The following SLC18A2 variants were observed in gnomAD, a reference collection of about 807,000 sequenced individuals.
The protein encoded by SLC18A2 is synaptic vesicular amine transporter.
In SLC18A2, 33 loss-of-function variants were observed where a neutral mutation model predicts 59.2. The observed-to-expected ratio is 0.56, with a 90% confidence interval of 0.42 to 0.75. The LOEUF (loss-of-function observed/expected upper bound fraction) is 0.75, where lower values mean the gene tolerates loss of function less well. Among genes scored for constraint, SLC18A2 ranks in the 30% least tolerant of loss-of-function variants. The pLI, the probability that SLC18A2 is intolerant of heterozygous loss-of-function variation, is 0.00. For missense variants in SLC18A2, 569 were observed against 668.6 expected (o/e 0.85, Z 1.64); for synonymous variants, 228 against 253.5 (o/e 0.90, Z 0.95).
rs1392984439 is a variant in SLC18A2, at chr10:117,254,067, C to T, written c.543C>T (p.Ser181=). The change falls in exon 5 of 16, where the codon AGC becomes AGT. Residue 181 remains serine, a synonymous_variant. Coordinates refer to ENST00000644641, the MANE Select transcript of SLC18A2 (RefSeq NM_003054.6). The stretch of plus-strand genomic sequence containing the variant: ...CGGCAGTGTTTGCCTTCTCCAGCAG[C>T]TATGCCTTCCTGCTGATTGCCAGGT... ...VSTIMFAFSS[S]YAFLLIARSL... 2 of 1,613,554 alleles carry T rather than the reference C, an allele frequency of 1.2e-6. No individual in the cohort carries two copies. Among genetic ancestry groups the T allele is most frequent in the Non-Finnish European group, 1.7e-6 (2 of 1,180,044 alleles).
chr10:117,257,243 A>G (rs1490235254), intron 9 of SLC18A2, among the ~76,000 whole-genome samples: 1 of 152,138 alleles, frequency 6.6e-6, no homozygotes, highest in Non-Finnish European at 1.5e-5. Flanking sequence ...GTTCTGGTTA[A>G]GAGATCATGA....
Position 117,277,184 on chromosome 10 carries a change from GC to G in SLC18A2, c.1466del (p.Pro489LeufsTer17). 6.2e-7 allele frequency: 1 copy of G among 1,605,592 alleles called. No individual in the cohort carries two copies. Among genetic ancestry groups the G allele is most frequent in the Non-Finnish European group, 8.5e-7 (1 of 1,173,138 alleles). ...EKMAILMDHN[C>X]PIKTKMYTQN... ...TAGGCTATTCTCATGGATCACAACTGCCCTATTAAAACAAAAATGTACACTC... is the reference window on the plus strand; with the variant it reads ...TAGGCTATTCTCATGGATCACAACTGCCTATTAAAACAAAAATGTACACTC... On this transcript the variant is annotated frameshift_variant, in exon 16 of 16. Transcript: ENST00000644641. LOFTEE classifies it high-confidence loss of function.
intron 15 of SLC18A2, among the ~76,000 whole-genome samples, chr10:117,276,630 A>AAAAAAAAAAAGAAAG (rs1445853665): frequency 9.0e-5 from 2 of 22,312 alleles, no homozygotes; most frequent in Non-Finnish European, 1.4e-4. Flanking sequence ...AAAAAAAAAA[A>AAAAAAAAAAAGAAAG]AAAGAAAGAA....
At chr10:117,276,805 T>A (rs538798601) in intron 15 of SLC18A2, among the ~76,000 whole-genome samples, 1 of 152,056 alleles carries the variant, frequency 6.6e-6, no homozygotes, top group African/African-American at 2.4e-5. Flanking sequence ...TAAACAGAAG[T>A]TGGACTGGGT....
intron 15 of SLC18A2, among the ~76,000 whole-genome samples, chr10:117,272,919 G>A (rs1844443158): frequency 6.6e-6 from 1 of 152,204 alleles, no homozygotes; most frequent in Admixed American, 6.5e-5. Context: ...GTGTGTGAGG[G>A]AGGAGGAAGA....
At chr10:117,252,654 C>A (rs1565003202) in intron 3 of SLC18A2, among the ~76,000 whole-genome samples, 6 of 152,212 alleles carry the variant, frequency 3.9e-5, no homozygotes, top group Admixed American at 3.9e-4. Context: ...CTTCTATGCT[C>A]TAGGCACTGG....
intron 12 of SLC18A2, 128 bp downstream of exon 12, chr10:117,267,163 C>A: frequency 1.4e-6 from 1 of 713,948 alleles, no homozygotes. Flanking sequence ...TCATTTTATT[C>A]TAATTTTTTA....
intron 10 of SLC18A2, among the ~76,000 whole-genome samples, chr10:117,262,589 C>T (rs1844305908): frequency 2.6e-5 from 4 of 151,984 alleles, no homozygotes; most frequent in Admixed American, 6.5e-5. Flanking sequence ...AGGAGGCGCC[C>T]GCTGTCCAAG....
intron 5 of SLC18A2, 118 bp from the exon 6 acceptor site, chr10:117,254,287 A>G (rs951125680): frequency 1.7e-6 from 2 of 1,170,374 alleles, no homozygotes; most frequent in Admixed American, 4.1e-5. Context: ...CTTACATTTT[A>G]GTGAATCTGA....
chr10:117,253,311 C>T (rs1210892069), intron 3 of SLC18A2, 88 bp from the exon 4 acceptor site: 7 of 947,342 alleles, frequency 7.4e-6, no homozygotes, highest in South Asian at 1.4e-5. Flanking sequence ...TCTGTCTGAT[C>T]CCAAAGGGTA....
At position 117,266,588 on chromosome 10, in the gene SLC18A2, G is replaced by C. The variant is rs1589984025; in HGVS notation, c.992-145G>C. On this transcript the variant is annotated intron_variant, in intron 10 of 15. Coordinates refer to ENST00000644641, the MANE Select transcript of SLC18A2 (RefSeq NM_003054.6). ...ACGTGGGTCCAGACCGGATCCGGCA[G>C]GCGCCGGATATTAGCTGCTGGGGTG... is the stretch of plus-strand genomic sequence containing the variant. The C allele has an allele frequency of 6.0e-6, 4 of 661,732 alleles. No individual in the cohort carries two copies. In the East Asian group the frequency reaches 7.8e-5, roughly 13 times the overall value. 41.0% of individuals were successfully genotyped at this position (661,732 alleles called of 1,614,324 possible).
In SLC18A2 at chr10:117,270,351, T is replaced by C. The variant is rs1844411172; in HGVS notation, c.1328T>C (p.Ile443Thr). The change falls in exon 15 of 16, where the codon ATT becomes ACT. Residue 443 changes from isoleucine (I) to threonine (T), a missense_variant. Transcript: ENST00000644641. Reference protein sequence around the residue: ...YAIGPSAGGAIAKAIGFPWLM... With the variant: ...YAIGPSAGGATAKAIGFPWLM... Reference sequence around the variant, plus strand: ...AAAGGTCCTTCTGCTGGTGGTGCTATTGCAAAGGCAATTGGATTTCCATGG... The same window carrying C: ...AAAGGTCCTTCTGCTGGTGGTGCTACTGCAAAGGCAATTGGATTTCCATGG... The C allele has an allele frequency of 6.2e-7, 1 of 1,614,238 alleles. No individual in the cohort carries two copies.
intron 6 of SLC18A2, among the ~76,000 whole-genome samples, chr10:117,254,956 G>A (rs931288090): frequency 6.6e-6 from 1 of 152,176 alleles, no homozygotes; most frequent in African/African-American, 2.4e-5. Flanking sequence ...CCTTGCCTGC[G>A]CTGGTGTACA....
intron 10 of SLC18A2, among the ~76,000 whole-genome samples, chr10:117,263,552 C>T (rs1844317386): frequency 6.6e-6 from 1 of 152,210 alleles, no homozygotes; most frequent in Admixed American, 6.5e-5. Flanking sequence ...ACGTCGCTCC[C>T]TTGCCAGCCT....
intron 15 of SLC18A2, among the ~76,000 whole-genome samples, chr10:117,271,699 C>A (rs1008421468): frequency 3.9e-5 from 6 of 152,168 alleles, no homozygotes; most frequent in Non-Finnish European, 8.8e-5. Flanking sequence ...GCTCTGAAAA[C>A]CACATCACCT....
At chr10:117,243,137 C>T (rs1157530484) in intron 2 of SLC18A2, among the ~76,000 whole-genome samples, 3 of 152,148 alleles carry the variant, frequency 2.0e-5, no homozygotes, top group Non-Finnish European at 4.4e-5. Flanking sequence ...ATGAAGTGGG[C>T]CTGTTGCAGA....
At chr10:117,254,757 T>C (rs1178517145) in intron 6 of SLC18A2, among the ~76,000 whole-genome samples, 1 of 152,220 alleles carries the variant, frequency 6.6e-6, no homozygotes, top group Non-Finnish European at 1.5e-5. Flanking sequence ...TTGAACAGGA[T>C]GGTCTGCCAG....
chr10:117,251,683 G>A (rs2133731207), intron 3 of SLC18A2, among the ~76,000 whole-genome samples: 1 of 152,336 alleles, frequency 6.6e-6, no homozygotes, highest in East Asian at 1.9e-4. Flanking sequence ...ATATGGTCAA[G>A]AGAACTTTTG....
rs3026056 is a variant in SLC18A2, at chr10:117,252,418, A to G, written c.465-981A>G. On this transcript the variant is annotated intron_variant, in intron 3 of 15. Coordinates refer to ENST00000644641, the MANE Select transcript of SLC18A2 (RefSeq NM_003054.6). ...GGTTCCTGAGGGTCCAGAGCTAGAG[A>G]CAGAAGAGACTTAGAGATGTTTCAG... Among the ~76,000 whole-genome samples, 512 of 151,908 alleles carry G rather than the reference A, an allele frequency of 3.4e-3. 3 individuals are homozygous for G. Among genetic ancestry groups the G allele is most frequent in the African/African-American group, 0.012 (484 of 41,406 alleles).
Sources: gnomAD v4.1 joint callset for allele counts (sites outside exome capture counted in the v4.1 genomes callset) on GRCh38, gnomAD v4.1.1 for gene constraint, MANE v1.5 for transcripts, NCBI Gene and HGNC (gene_info 2026-07-23, HGNC 2026-07-21) for gene names.